The following TMEM62 variants were observed in gnomAD, a reference collection of about 807,000 sequenced individuals.
TMEM62 encodes the protein transmembrane protein 62.
Under a neutral mutation model 70.4 loss-of-function variants are expected in TMEM62, and 41 were observed. The ratio of observed to expected loss-of-function variants is 0.58; its 90% CI spans 0.45 to 0.76. The LOEUF is 0.76. TMEM62 is among the 30% of genes least tolerant of loss of function. The probability of loss-of-function intolerance (pLI) is 0.00; values close to 1 mark genes in which losing one functional copy is unlikely to be tolerated. For missense variants in TMEM62, 688 were observed against 788.5 expected (o/e 0.87, Z 1.53); for synonymous variants, 268 against 291.0 (o/e 0.92, Z 0.80).
chr15:43,159,673 C>G (rs2038449452), intron 9 of TMEM62, among the ~76,000 whole-genome samples: 1 of 152,154 alleles, frequency 6.6e-6, no homozygotes, highest in African/African-American at 2.4e-5. Context: ...GCTTCCAAAT[C>G]TTATTGTGAG....
At chr15:43,176,280 A>G (rs892585557) in intron 11 of TMEM62, among the ~76,000 whole-genome samples, 2 of 152,262 alleles carry the variant, frequency 1.3e-5, no homozygotes, top group Admixed American at 6.5e-5. Context: ...AAAAGACAGC[A>G]GTCACCTCTG....
intron 8 of TMEM62, among the ~76,000 whole-genome samples, chr15:43,152,614 C>T (rs2037537501): frequency 6.6e-6 from 1 of 152,050 alleles, no homozygotes; most frequent in African/African-American, 2.4e-5. Context: ...AGGCTGGTCT[C>T]GAACTCCTGA....
chr15:43,134,527 G>T (rs563185905), intron 2 of TMEM62, among the ~76,000 whole-genome samples, 159 bp downstream of exon 2: 1 of 152,152 alleles, frequency 6.6e-6, no homozygotes, highest in Non-Finnish European at 1.5e-5. Flanking sequence ...TAACCCCTTT[G>T]CCTATGGATA....
At chr15:43,145,792 G>T (rs2036595433) in intron 4 of TMEM62, among the ~76,000 whole-genome samples, 1 of 152,112 alleles carries the variant, frequency 6.6e-6, no homozygotes, top group African/African-American at 2.4e-5. Flanking sequence ...ATATAGGTAT[G>T]CCCTCCAATA....
intron 9 of TMEM62, among the ~76,000 whole-genome samples, chr15:43,158,374 T>A (rs1214740219): frequency 1.3e-5 from 2 of 152,188 alleles, no homozygotes; most frequent in Non-Finnish European, 2.9e-5. Flanking sequence ...GGAGAGGGGA[T>A]CCTGATTTGT....
chr15:43,151,319 G>GAAAAAA (rs896405823), intron 7 of TMEM62, among the ~76,000 whole-genome samples: 9 of 53,404 alleles, frequency 1.7e-4, no homozygotes, highest in East Asian at 6.6e-4. Context: ...TCAAAAATAA[G>GAAAAAA]AAAAAAAAAA....
intron 13 of TMEM62, chr15:43,184,023 C>G (rs972766698): frequency 5.2e-6 from 3 of 575,406 alleles, no homozygotes; most frequent in African/African-American, 3.7e-5. Context: ...TACTGTACTA[C>G]AAGTTGGGAC....
At chr15:43,170,162 AT>A (rs1208061329) in intron 11 of TMEM62, among the ~76,000 whole-genome samples, 1 of 152,162 alleles carries the variant, frequency 6.6e-6, no homozygotes, top group Admixed American at 6.5e-5. Flanking sequence ...TTGGTATCTT[AT>A]TGTGACAGAG....
intron 4 of TMEM62, among the ~76,000 whole-genome samples, chr15:43,141,257 G>T (rs2035966896): frequency 6.6e-6 from 1 of 152,170 alleles, no homozygotes; most frequent in Non-Finnish European, 1.5e-5. Flanking sequence ...CCTGGATGTG[G>T]GTTCCTGCTC....
chr15:43,141,803 T>C (rs1218580303), intron 4 of TMEM62, among the ~76,000 whole-genome samples: 1 of 152,168 alleles, frequency 6.6e-6, no homozygotes, highest in Admixed American at 6.6e-5. Flanking sequence ...AGGGAAGAAG[T>C]TGATTCCAAC....
chr15:43,151,267 C>T lies in TMEM62; in HGVS notation c.867-523C>T, dbSNP rs546235341. 1.1e-4 allele frequency among the ~76,000 whole-genome samples: 16 copies of T among 147,682 alleles called. 1 individual carries two copies. The highest frequency in any genetic ancestry group is 2.3e-4 in the African/African-American group (9 of 39,790). Reference sequence around the variant, plus strand: ...CAGAGGTTGCAGTGAGCCAAGACTGCGCCACTGCACTCCAGCCTGGGTGAC... The same window carrying T: ...CAGAGGTTGCAGTGAGCCAAGACTGTGCCACTGCACTCCAGCCTGGGTGAC... On this transcript the variant is annotated intron_variant, in intron 7 of 13. Transcript: ENST00000260403.
chr15:43,137,576 G>A (rs908872439), intron 3 of TMEM62, among the ~76,000 whole-genome samples: 36 of 152,254 alleles, frequency 2.4e-4, no homozygotes, highest in African/African-American at 8.2e-4. Context: ...GCTTGCGGTG[G>A]GCCAGTTGCC....
At chr15:43,163,230 T>C (rs181433371) in intron 10 of TMEM62, among the ~76,000 whole-genome samples, 12 of 152,262 alleles carry the variant, frequency 7.9e-5, no homozygotes, top group African/African-American at 2.4e-4. Flanking sequence ...GAAGAAAACT[T>C]AAACCTTCCT....
At chr15:43,167,520 AC>A (rs2039642993) in intron 10 of TMEM62, among the ~76,000 whole-genome samples, 1 of 146,472 alleles carries the variant, frequency 6.8e-6, no homozygotes. Context: ...CACATCTCAG[AC>A]GATGGGCAGC....
In TMEM62 at chr15:43,151,852, G is replaced by T; in HGVS notation, c.929G>T (p.Trp310Leu). 1 of 1,613,956 alleles carries T rather than the reference G, an allele frequency of 6.2e-7. No individual in the cohort carries two copies. The highest frequency in any genetic ancestry group is 8.5e-7 in the Non-Finnish European group (1 of 1,179,944). Residue 310 changes from tryptophan (W) to leucine (L), a missense_variant, in exon 8 of 14, where the codon TGG becomes TTG. By Grantham distance (61) the Trp-to-Leu change is moderately conservative. Transcript: ENST00000260403. ...TTTGCAGATTTGATCTTTGGGAAGT[G>T]GCCTGTGGTTCTTATCACCAATCCT... ...FSFADLIFGK[W>L]PVVLITNPKS...
chr15:43,143,001 A>G (rs568564191), intron 4 of TMEM62, among the ~76,000 whole-genome samples: 32 of 152,182 alleles, frequency 2.1e-4, no homozygotes, highest in Admixed American at 1.9e-3. Flanking sequence ...AGGTATGTGC[A>G]TTGTTTTTCT....
chr15:43,168,173 C>T (rs1000176170), intron 10 of TMEM62, among the ~76,000 whole-genome samples: 2 of 62,188 alleles, frequency 3.2e-5, no homozygotes, highest in Admixed American at 1.5e-4. Flanking sequence ...GAGAGGGAGA[C>T]GGAGACGGAG....
At chr15:43,175,583 G>A (rs1035340802) in intron 11 of TMEM62, among the ~76,000 whole-genome samples, 2 of 152,148 alleles carry the variant, frequency 1.3e-5, no homozygotes, top group African/African-American at 4.8e-5. Flanking sequence ...CCTTACACTT[G>A]GGCTTTTTGG....
chr15:43,168,214 AGGGG>A (rs2039800099), intron 10 of TMEM62, among the ~76,000 whole-genome samples: 2 of 146,518 alleles, frequency 1.4e-5, no homozygotes, highest in African/African-American at 5.1e-5. Context: ...GGAGAGGGAG[AGGGG>A]TCTTTTGTTT....
Sources: gnomAD v4.1 joint callset for allele counts (sites outside exome capture counted in the v4.1 genomes callset) on GRCh38, gnomAD v4.1.1 for gene constraint, MANE v1.5 for transcripts, NCBI Gene and HGNC (gene_info 2026-07-23, HGNC 2026-07-21) for gene names.